The following NPTXR variants were observed in gnomAD, a reference collection of about 807,000 sequenced individuals.
NPTXR encodes neuronal pentraxin receptor.
In NPTXR, 12 loss-of-function variants were observed where a neutral mutation model predicts 32.2. That is an observed-to-expected ratio of 0.37 (90% confidence interval 0.24 to 0.60). The LOEUF (loss-of-function observed/expected upper bound fraction) is 0.60. Ranked by LOEUF, NPTXR falls within the 20% of genes least tolerant of loss-of-function variation. The pLI is 0.66. For synonymous variants in NPTXR, 323 were observed against 315.8 expected (o/e 1.02, Z -0.24); for missense variants, 612 against 682.9 (o/e 0.90, Z 1.16).
chr22:38,828,423 C>T lies in NPTXR; in HGVS notation c.714G>A (p.Leu238=). ...GCACCTGGGCCAGCAGCTGCCCCTC[C>T]AGCTGGTCCATCTTGGAGTGTAGGC... is the stretch of plus-strand genomic sequence containing the variant. Residue 238 remains leucine (L), a synonymous_variant, in exon 2 of 5, where the codon CTG becomes CTA. Transcript: ENST00000333039. The T allele has an allele frequency of 6.2e-7, 1 of 1,612,648 alleles. No individual in the cohort carries two copies. Among genetic ancestry groups the T allele is most frequent in the Non-Finnish European group, 8.5e-7 (1 of 1,179,828 alleles).
At chr22:38,824,068 C>T (rs887913241) in intron 3 of NPTXR, among the ~76,000 whole-genome samples, 13 of 151,804 alleles carry the variant, frequency 8.6e-5, no homozygotes, top group Non-Finnish European at 1.5e-4. Flanking sequence ...GCCTCCATCT[C>T]CTGGTTCAAG....
chr22:38,836,732 T>C (rs758026241), intron 1 of NPTXR, among the ~76,000 whole-genome samples: 1 of 142,186 alleles, frequency 7.0e-6, no homozygotes, highest in Non-Finnish European at 1.5e-5. Context: ...GATTTGTGTC[T>C]GTTTAAGTGA....
Position 38,843,805 on chromosome 22 carries a change from G to T in NPTXR, c.54C>A (p.Ala18=). ...GCACGCTGGCGATGATGCAGATGAC[G>T]GCACCGAGGAACGCCAGCATGCCCG... The change falls in exon 1 of 5, where the codon GCC becomes GCA. Residue 18 remains alanine, a synonymous_variant. Coordinates refer to ENST00000333039, the MANE Select transcript of NPTXR (RefSeq NM_014293.4). This position sits in a 1 kb window ranked among gnomAD's most constrained non-coding sequence, Gnocchi z 5.3. 3 of 1,018,334 alleles carry T rather than the reference G, an allele frequency of 2.9e-6. No homozygotes were observed. The South Asian group carries it at 1.2e-4, about 40-fold the overall frequency. 63.1% of individuals were successfully genotyped at this position (1,018,334 alleles called of 1,614,324 possible).
chr22:38,828,218 A>G (rs1478300088), intron 2 of NPTXR, 69 bp downstream of exon 2: 78 of 1,283,912 alleles, frequency 6.1e-5, no homozygotes, highest in Non-Finnish European at 8.6e-5. Flanking sequence ...GGGAGCATGG[A>G]TATATTTTTT....
chr22:38,831,670 C>T (rs538889867), intron 1 of NPTXR, among the ~76,000 whole-genome samples: 6 of 151,932 alleles, frequency 3.9e-5, no homozygotes, highest in South Asian at 4.2e-4. Context: ...GCTCAAGGGG[C>T]GCATTTCATC....
Position 38,822,591 on chromosome 22 carries a change from C to T in NPTXR, c.*18G>A. On this transcript the variant is annotated 3_prime_UTR_variant, in exon 5 of 5. Transcript: ENST00000333039. ...CCAAAGTGGCAGGCAAGGGAGGGGC[C>T]CTGGATGAGGTGGCCCCTCATGCCT... 6.3e-7 allele frequency: 1 copy of T among 1,584,394 alleles called. No individual in the cohort carries two copies. The highest frequency in any genetic ancestry group is 8.6e-7 in the Non-Finnish European group (1 of 1,167,288).
rs1480402520 is a variant in NPTXR at position 38,818,910 on chromosome 22, G to A, written c.*3699C>T. ...TGGGGAGAGGCTGCTGCGTCCTAGA[G>A]AGGGCTGAATGCAGTCAGAAGGCTG... On this transcript the variant is annotated 3_prime_UTR_variant, in exon 5 of 5. Coordinates refer to ENST00000333039, the MANE Select transcript of NPTXR (RefSeq NM_014293.4). This position sits in a 1 kb window ranked among gnomAD's most constrained non-coding sequence, Gnocchi z 4.5. 1.3e-5 allele frequency: 2 copies of A among 152,520 alleles called. No homozygotes were observed. The highest frequency in any genetic ancestry group is 4.8e-5 in the African/African-American group (2 of 41,470). The allele number at this position is 152,520 out of a possible 1,614,324, so 9.4% of individuals were successfully genotyped here. A position where few individuals can be genotyped will look rare whatever the true frequency, so the allele number is the denominator to read the frequency against.
chr22:38,822,732 G>A lies in NPTXR; in HGVS notation c.1380C>T (p.Gly460=). ...GCAGTGGCGCAGTGCAGTTGGCAAT[G>A]CCCAGGACCTGGGCTGGTGTCAGGG... Residue 460 remains glycine, a synonymous_variant, in exon 5 of 5, where the codon GGC becomes GGT. Coordinates refer to ENST00000333039, the MANE Select transcript of NPTXR (RefSeq NM_014293.4). 6.2e-7 allele frequency: 1 copy of A among 1,614,148 alleles called. No homozygotes were observed.
In NPTXR at chr22:38,819,482, C is replaced by A. The variant is rs964576305; in HGVS notation, c.*3127G>T. 2.0e-5 allele frequency: 3 copies of A among 152,260 alleles called. No individual in the cohort carries two copies. Among genetic ancestry groups the A allele is most frequent in the East Asian group, 1.9e-4 (1 of 5,184 alleles). 9.4% of individuals were successfully genotyped at this position (152,260 alleles called of 1,614,324 possible). On this transcript the variant is annotated 3_prime_UTR_variant, in exon 5 of 5. Coordinates refer to ENST00000333039, the MANE Select transcript of NPTXR (RefSeq NM_014293.4). ...CGGAACACGTCTGGAGCAATGGTGC[C>A]CAGATGGCACTCTACACAGGTGAGT...
rs1046180437 is a variant in NPTXR at position 38,822,382 on chromosome 22, T to G, written c.*227A>C. 3 of 570,276 alleles carry G rather than the reference T, an allele frequency of 5.3e-6. No individual in the cohort carries two copies. The South Asian group carries it at 6.0e-5, about 11-fold the overall frequency. 35.3% of individuals were successfully genotyped at this position (570,276 alleles called of 1,614,324 possible). On this transcript the variant is annotated 3_prime_UTR_variant, in exon 5 of 5. Transcript: ENST00000333039. The stretch of plus-strand genomic sequence containing the variant: ...CCAGTGCAGTGCCAGGTGGGCAGGC[T>G]CCCACTGTTCACTTGAGACGCTCCT...
chr22:38,822,882 A>G, intron 4 of NPTXR, 49 bp from the exon 5 acceptor site: 1 of 1,555,620 alleles, frequency 6.4e-7, no homozygotes, highest in East Asian at 2.3e-5. Context: ...GTGAGGGAGC[A>G]GAAAAGACAG....
intron 1 of NPTXR, among the ~76,000 whole-genome samples, chr22:38,840,433 T>G (rs1249593174): frequency 6.6e-6 from 1 of 151,766 alleles, no homozygotes; most frequent in Non-Finnish European, 1.5e-5. Flanking sequence ...ATGGTGGGCT[T>G]AAGGAAGACC....
At chr22:38,835,722 C>T (rs2093122973) in intron 1 of NPTXR, among the ~76,000 whole-genome samples, 2 of 152,192 alleles carry the variant, frequency 1.3e-5, no homozygotes, top group Non-Finnish European at 2.9e-5. Flanking sequence ...CCACCCCTAG[C>T]CCACTTCAGT....
At chr22:38,840,611 A>C (rs993979352) in intron 1 of NPTXR, among the ~76,000 whole-genome samples, 9 of 152,026 alleles carry the variant, frequency 5.9e-5, no homozygotes, top group African/African-American at 7.2e-5. Flanking sequence ...GTTCAAGCTG[A>C]AACACAGTGT....
At position 38,843,521 on chromosome 22, in the gene NPTXR, G is replaced by A. The variant is rs1238657119; in HGVS notation, c.338C>T (p.Ala113Val). 9 of 1,269,572 alleles carry A rather than the reference G, an allele frequency of 7.1e-6. No homozygotes were observed. Among genetic ancestry groups the A allele is most frequent in the African/African-American group, 3.1e-5 (2 of 64,016 alleles). The allele number at this position is 1,269,572 out of a possible 1,614,324, so 78.6% of individuals were successfully genotyped here. Residue 113 changes from alanine (A) to valine (V), a missense_variant, in exon 1 of 5, where the codon GCG (alanine) becomes GTG (valine). Coordinates refer to ENST00000333039, the MANE Select transcript of NPTXR (RefSeq NM_014293.4). The surrounding 1 kb of genome is among the most constrained non-coding windows in gnomAD (Gnocchi z 5.3). ...TTCGCGCTCGCCCGGCGCAGCGCCC[G>A]CCGCGTCCCCCTGCTGGGCCCCCGA...
At chr22:38,835,538 C>T (rs1320380651) in intron 1 of NPTXR, among the ~76,000 whole-genome samples, 8 of 152,090 alleles carry the variant, frequency 5.3e-5, no homozygotes, top group Admixed American at 2.0e-4. Context: ...CCTCCTGGGT[C>T]CGAGACCCCA....
intron 1 of NPTXR, among the ~76,000 whole-genome samples, chr22:38,835,382 C>T (rs1214888321): frequency 6.6e-6 from 1 of 152,218 alleles, no homozygotes; most frequent in African/African-American, 2.4e-5. Context: ...CCTCCTCCTA[C>T]CCAGGTGGGG....
At chr22:38,825,809 G>A (rs2093105427) in intron 3 of NPTXR, among the ~76,000 whole-genome samples, 1 of 151,432 alleles carries the variant, frequency 6.6e-6, no homozygotes, top group Non-Finnish European at 1.5e-5. Flanking sequence ...CCATCCCCAG[G>A]TAGGTCTGTG....
In NPTXR at chr22:38,843,796, G is replaced by A; in HGVS notation, c.63C>T (p.Cys21=). The change falls in exon 1 of 5, where the codon TGC becomes TGT. Residue 21 remains cysteine (C), a synonymous_variant. Transcript: ENST00000333039. This position sits in a 1 kb window ranked among gnomAD's most constrained non-coding sequence, Gnocchi z 5.3. ...CCGCCAGGGGCACGCTGGCGATGAT[G>A]CAGATGACGGCACCGAGGAACGCCA... is the stretch of plus-strand genomic sequence containing the variant. 1 of 1,008,246 alleles carries A rather than the reference G, an allele frequency of 9.9e-7. No individual in the cohort carries two copies. The highest frequency in any genetic ancestry group is 9.3e-5 in the East Asian group (1 of 10,712). The allele number at this position is 1,008,246 out of a possible 1,614,324, so 62.5% of individuals were successfully genotyped here.
Sources: gnomAD v4.1 joint callset for allele counts (sites outside exome capture counted in the v4.1 genomes callset) on GRCh38, gnomAD v4.1.1 for gene constraint, Gnocchi (gnomAD v3.1) non-coding constraint, MANE v1.5 for transcripts, NCBI Gene and HGNC (gene_info 2026-07-23, HGNC 2026-07-21) for gene names.